Variants in PROSER1 observed in about 807,000 individuals in gnomAD.
The protein encoded by PROSER1 is proline and serine rich 1, also known as proline and serine-rich protein 1.
Under a neutral mutation model 71.8 loss-of-function variants are expected in PROSER1, and 36 were observed. The ratio of observed to expected loss-of-function variants is 0.50; its 90% CI spans 0.38 to 0.66. The LOEUF (loss-of-function observed/expected upper bound fraction) is 0.66, where lower values mean the gene tolerates loss of function less well. Among genes scored for constraint, PROSER1 ranks in the 30% least tolerant of loss-of-function variants. PROSER1 has a pLI of 0.00. For missense variants in PROSER1, 1,107 were observed against 1,135.0 expected, an observed-to-expected ratio of 0.98 and a Z score of 0.35; for synonymous variants, 490 against 452.4, an observed-to-expected ratio of 1.08 and a Z score of -1.06.
chr13:39,031,346 C>A (rs1050318186), intron 3 of PROSER1, among the ~76,000 whole-genome samples: 2 of 152,210 alleles, frequency 1.3e-5, no homozygotes, highest in Non-Finnish European at 2.9e-5. Context: ...GTGAAGTTTT[C>A]TTCTAACTTG....
chr13:39,027,927 T>G (rs545018138), intron 5 of PROSER1, among the ~76,000 whole-genome samples: 21 of 152,130 alleles, frequency 1.4e-4, no homozygotes, highest in African/African-American at 5.1e-4. Flanking sequence ...GTACATAAAG[T>G]TTAAAGCAAA....
chr13:39,011,994 G>T, intron 12 of PROSER1, 89 bp downstream of exon 12: 6 of 1,325,818 alleles, frequency 4.5e-6, no homozygotes, highest in Admixed American at 4.5e-5. Context: ...TGCCAATGTT[G>T]GGATATCGCA....
intron 9 of PROSER1, among the ~76,000 whole-genome samples, chr13:39,022,087 C>T (rs914382218): frequency 6.6e-6 from 1 of 152,126 alleles, no homozygotes; most frequent in Non-Finnish European, 1.5e-5. Flanking sequence ...ACCTAATATT[C>T]ATTAAACATG....
intron 5 of PROSER1, 77 bp from the exon 6 acceptor site, chr13:39,026,464 A>T (rs1870551569): frequency 1.2e-6 from 1 of 841,852 alleles, no homozygotes; most frequent in African/African-American, 1.7e-5. Flanking sequence ...AGCTCAGCTA[A>T]AAAAAACATG....
In PROSER1 at chr13:39,011,428, A is replaced by G. The variant is rs1869650347; in HGVS notation, c.2772T>C (p.Tyr924=). 6.2e-7 allele frequency: 1 copy of G among 1,614,032 alleles called. No individual in the cohort carries two copies. Among genetic ancestry groups the G allele is most frequent in the African/African-American group, 1.3e-5 (1 of 74,948 alleles). The part of the protein sequence containing the change: ...YPAQPDGFPS[Y]PSAPGTPFSL... ...AAAATGGTGTTCCTGGCGCTGAAGG[A>G]TAACTAGGAAACCCATCAGGCTGAG... Residue 924 remains tyrosine (Y), a synonymous_variant, in exon 13 of 13, where the codon TAT becomes TAC. Coordinates refer to ENST00000352251, the MANE Select transcript of PROSER1 (RefSeq NM_025138.5).
chr13:39,015,752 A>G (rs138344775), intron 10 of PROSER1, among the ~76,000 whole-genome samples: 8 of 152,302 alleles, frequency 5.3e-5, no homozygotes, highest in African/African-American at 1.9e-4. Flanking sequence ...TGAAACTCAA[A>G]AGTCCTTAAG....
chr13:39,013,177 G>A lies in PROSER1; in HGVS notation c.2075C>T (p.Pro692Leu). 1 of 1,614,026 alleles carries A rather than the reference G, an allele frequency of 6.2e-7. No individual in the cohort carries two copies. The highest frequency in any genetic ancestry group is 8.5e-7 in the Non-Finnish European group (1 of 1,179,942). Residue 692 changes from proline to leucine, a missense_variant, in exon 11 of 13, where the codon CCA becomes CTA. Coordinates refer to ENST00000352251, the MANE Select transcript of PROSER1 (RefSeq NM_025138.5). Reference protein sequence around the residue: ...PPHGSSTPIAPVFTALPSFTS... With the variant: ...PPHGSSTPIALVFTALPSFTS... The stretch of plus-strand genomic sequence containing the variant: ...AAAAGAAGGAAGAGCAGTGAATACT[G>A]GTGCAATGGGAGTGGAGGAACCATG...
Position 39,037,341 on chromosome 13 carries a change from G to A in PROSER1, c.-99C>T, listed in dbSNP as rs1871165297. On this transcript the variant is annotated 5_prime_UTR_variant, in exon 1 of 13. Transcript: ENST00000352251. ...CCGATAGTAAAAAATATTTATAGCT[G>A]AGGAGGAAAAAGACTCCACGAGCAA... is the stretch of plus-strand genomic sequence containing the variant. 5.5e-6 allele frequency: 5 copies of A among 907,910 alleles called. No individual in the cohort carries two copies. The Admixed American group carries it at 7.6e-5, about 14-fold the overall frequency. The allele number at this position is 907,910 out of a possible 1,614,324, so 56.2% of individuals were successfully genotyped here.
chr13:39,024,345 T>C, intron 7 of PROSER1, 128 bp downstream of exon 7: 1 of 655,770 alleles, frequency 1.5e-6, no homozygotes, highest in Non-Finnish European at 2.7e-6. Context: ...CCATTCACTC[T>C]CTCACTCTCC....
Position 39,014,001 on chromosome 13 carries a change from G to A in PROSER1, c.1251C>T (p.Thr417=). The A allele has an allele frequency of 1.2e-6, 2 of 1,614,112 alleles. No individual in the cohort carries two copies. The highest frequency in any genetic ancestry group is 2.7e-5 in the African/African-American group (2 of 75,022). ...ACAATGAAGCAGAATTTGGGTTGCT[G>A]GTAGAAGCAGCAGAAGAGCTGGTGG... is the stretch of plus-strand genomic sequence containing the variant. The part of the protein sequence containing the change: ...PFSTSSSAAS[T]SNPNSASLSS... Residue 417 remains threonine (T), a synonymous_variant, in exon 11 of 13, where the codon ACC becomes ACT. Coordinates refer to ENST00000352251, the MANE Select transcript of PROSER1 (RefSeq NM_025138.5).
intron 2 of PROSER1, among the ~76,000 whole-genome samples, chr13:39,032,229 C>G (rs1404597566): frequency 6.6e-6 from 1 of 152,134 alleles, no homozygotes; most frequent in Non-Finnish European, 1.5e-5. Context: ...AATCTAGTCC[C>G]TTAAAAATGT....
chr13:39,012,387 C>T, intron 11 of PROSER1, 154 bp from the exon 12 acceptor site: 1 of 806,016 alleles, frequency 1.2e-6, no homozygotes, highest in Non-Finnish European at 2.0e-6. Context: ...TCAGCCATTC[C>T]CTGATATGAA....
In PROSER1 at chr13:39,024,393, A is replaced by T. The variant is rs1226618616; in HGVS notation, c.564+80T>A. On this transcript the variant is annotated intron_variant, in intron 7 of 12. Coordinates refer to ENST00000352251, the MANE Select transcript of PROSER1 (RefSeq NM_025138.5). ...AATACTTCAAACTTTGCAACACAAA[A>T]ATAAAATTTATGCTTTGAGTAAAAA... The T allele has an allele frequency of 4.7e-6, 5 of 1,054,168 alleles. No homozygotes were observed. In the African/African-American group the frequency reaches 8.0e-5, roughly 17 times the overall value. The allele number at this position is 1,054,168 out of a possible 1,614,324, so 65.3% of individuals were successfully genotyped here. A position where few individuals can be genotyped will look rare whatever the true frequency, so the allele number is the denominator to read the frequency against.
intron 1 of PROSER1, among the ~76,000 whole-genome samples, chr13:39,036,893 T>TA (rs2138142546): frequency 6.6e-6 from 1 of 152,304 alleles, no homozygotes; most frequent in Admixed American, 6.5e-5. Context: ...TCAAAAATAT[T>TA]AAACCCCTTA....
intron 9 of PROSER1, among the ~76,000 whole-genome samples, chr13:39,019,834 T>C (rs1471950157): frequency 6.6e-6 from 1 of 151,428 alleles, no homozygotes; most frequent in East Asian, 1.9e-4. Context: ...CTATTAAAAG[T>C]CTAACAGGTT....
At chr13:39,034,263 T>A in intron 1 of PROSER1, 67 bp from the exon 2 acceptor site, 1 of 1,333,152 alleles carries the variant, frequency 7.5e-7, no homozygotes, top group Non-Finnish European at 1.0e-6. Context: ...CACAGTAATA[T>A]ACATCTATCA....
chr13:39,021,207 C>T (rs1870273174), intron 9 of PROSER1, among the ~76,000 whole-genome samples: 1 of 152,150 alleles, frequency 6.6e-6, no homozygotes, highest in South Asian at 2.1e-4. Flanking sequence ...CAAGTAATTA[C>T]TCTTCTAATC....
intron 10 of PROSER1, 47 bp downstream of exon 10, chr13:39,017,453 A>G (rs1870056005): frequency 6.8e-6 from 8 of 1,178,516 alleles, no homozygotes; most frequent in Non-Finnish European, 9.9e-6. Flanking sequence ...ATAACAGAGC[A>G]AACCATGACA....
chr13:39,019,224 GGGCGCAGT>G (rs1555239097), intron 9 of PROSER1, among the ~76,000 whole-genome samples: 1 of 151,714 alleles, frequency 6.6e-6, no homozygotes, highest in Non-Finnish European at 1.5e-5. Context: ...AGGAGAGGTC[GGGCGCAGT>G]GGCTCACACC....
Sources: gnomAD v4.1 joint callset for allele counts (sites outside exome capture counted in the v4.1 genomes callset) on GRCh38, gnomAD v4.1.1 for gene constraint, MANE v1.5 for transcripts, NCBI Gene and HGNC (gene_info 2026-07-23, HGNC 2026-07-21) for gene names.